CLIC6: variants seen among roughly 807,000 people sequenced by gnomAD.
CLIC6 encodes CLIC family member 6, also known as chloride intracellular channel protein 6.
A neutral mutation model predicts 49.2 loss-of-function variants in CLIC6; 39 were observed. That is an observed-to-expected ratio of 0.79 (90% confidence interval 0.61 to 1.04). CLIC6 has a LOEUF of 1.04. CLIC6 is among the 50% of genes least tolerant of loss of function. CLIC6 has a pLI of 0.00. For synonymous variants in CLIC6, 446 were observed against 433.4 expected (o/e 1.03, Z -0.36); for missense variants, 988 against 993.1 (o/e 0.99, Z 0.07).
intron 1 of CLIC6, among the ~76,000 whole-genome samples, chr21:34,678,430 T>TAA (rs772123813): frequency 7.2e-6 from 1 of 139,196 alleles, no homozygotes; most frequent in Non-Finnish European, 1.6e-5. Flanking sequence ...AGACTCCATC[T>TAA]AAAAAAAAAA....
Position 34,670,668 on chromosome 21 carries a change from G to A in CLIC6, c.1280G>A (p.Gly427Asp), listed in dbSNP as rs1267419018. Reference sequence around the variant, plus strand: ...GAGGAGGGCCCCGCCGAGGGTAGCGGCGAGGCCGCGCGCGTGAACGGCCGC... The same window carrying A: ...GAGGAGGGCCCCGCCGAGGGTAGCGACGAGGCCGCGCGCGTGAACGGCCGC... ...LAEEGPAEGS[G>D]EAARVNGRRE... Residue 427 changes from glycine to aspartate, a missense_variant, in exon 1 of 6, where the codon GGC becomes GAC. Gly to Asp is a moderately conservative substitution (Grantham distance 94). Transcript: ENST00000349499. The A allele has an allele frequency of 6.4e-7, 1 of 1,571,166 alleles. No individual in the cohort carries two copies. The highest frequency in any genetic ancestry group is 1.8e-5 in the Admixed American group (1 of 55,116).
chr21:34,697,898 G>A (rs1046783699), intron 1 of CLIC6, among the ~76,000 whole-genome samples: 1 of 152,212 alleles, frequency 6.6e-6, no homozygotes, highest in Non-Finnish European at 1.5e-5. Flanking sequence ...GAATCTCATA[G>A]GCCTGTGAGG....
chr21:34,671,352 G>C (rs891016156), intron 1 of CLIC6, among the ~76,000 whole-genome samples: 20 of 152,232 alleles, frequency 1.3e-4, no homozygotes, highest in South Asian at 1.0e-3. Context: ...GTACGTTTAG[G>C]GGGGAATGGA....
chr21:34,710,734 AC>A (rs1462772958), intron 5 of CLIC6, among the ~76,000 whole-genome samples: 6 of 151,866 alleles, frequency 4.0e-5, no homozygotes, highest in Non-Finnish European at 7.4e-5. Context: ...AATCGCTTGA[AC>A]CCGGGAGGCA....
chr21:34,669,448 C>CT lies in CLIC6; in HGVS notation c.60_61insT (p.Pro21SerfsTer6). 1 of 1,233,730 alleles carries CT rather than the reference C, an allele frequency of 8.1e-7. No individual in the cohort carries two copies. Among genetic ancestry groups the CT allele is most frequent in the Non-Finnish European group, 1.0e-6 (1 of 989,308 alleles). The allele number at this position is 1,233,730 out of a possible 1,614,324, so 76.4% of individuals were successfully genotyped here. On this transcript the variant is annotated frameshift_variant, in exon 1 of 6. Transcript: ENST00000349499. LOFTEE classifies it high-confidence loss of function. ...CGGGTCCCCAGGGGCCGCCGGAGGT[C>CT]CCCGCGCCTCTGGCTGAGAGACCCG...
At chr21:34,689,199 G>A (rs148522471) in intron 1 of CLIC6, among the ~76,000 whole-genome samples, 1 of 152,340 alleles carries the variant, frequency 6.6e-6, no homozygotes, top group African/African-American at 2.4e-5. Flanking sequence ...GGGAGAGGGT[G>A]GAGCAGAGAA....
intron 1 of CLIC6, among the ~76,000 whole-genome samples, chr21:34,678,926 A>T (rs992043234): frequency 6.6e-6 from 1 of 152,204 alleles, no homozygotes; most frequent in Admixed American, 6.5e-5. Context: ...TTTTCCAGAG[A>T]TATTCTATGC....
At chr21:34,711,603 T>C (rs2056057456) in intron 5 of CLIC6, among the ~76,000 whole-genome samples, 1 of 152,194 alleles carries the variant, frequency 6.6e-6, no homozygotes, top group African/African-American at 2.4e-5. Context: ...TCTATGGTGC[T>C]GAGGCTCCTG....
At chr21:34,693,814 C>T (rs1990040651) in intron 1 of CLIC6, among the ~76,000 whole-genome samples, 1 of 152,150 alleles carries the variant, frequency 6.6e-6, no homozygotes, top group Admixed American at 6.5e-5. Flanking sequence ...GGGTTTGGAT[C>T]TGTGTCCCTG....
chr21:34,714,583 G>C (rs1161870579), intron 5 of CLIC6, among the ~76,000 whole-genome samples: 1 of 152,026 alleles, frequency 6.6e-6, no homozygotes, highest in Non-Finnish European at 1.5e-5. Flanking sequence ...AGCTACTCGG[G>C]AGGCTGAGGG....
chr21:34,672,662 G>A (rs1181900790), intron 1 of CLIC6, among the ~76,000 whole-genome samples: 1 of 152,226 alleles, frequency 6.6e-6, no homozygotes, highest in Admixed American at 6.5e-5. Context: ...ATGTGGTGAA[G>A]GCTTGAATGG....
chr21:34,698,997 A>T (rs1236026762), intron 1 of CLIC6, among the ~76,000 whole-genome samples: 1 of 152,128 alleles, frequency 6.6e-6, no homozygotes, highest in African/African-American at 2.4e-5. Flanking sequence ...CACCAGGAAA[A>T]ACAGTGGGGC....
At chr21:34,695,201 T>C (rs140055103) in intron 1 of CLIC6, among the ~76,000 whole-genome samples, 2 of 152,232 alleles carry the variant, frequency 1.3e-5, no homozygotes, top group Non-Finnish European at 2.9e-5. Flanking sequence ...AGAGGCTGCT[T>C]GCATGTCTTG....
At chr21:34,688,493 A>C (rs1422510985) in intron 1 of CLIC6, among the ~76,000 whole-genome samples, 1 of 152,258 alleles carries the variant, frequency 6.6e-6, no homozygotes, top group African/African-American at 2.4e-5. Context: ...TAGTCTGCAT[A>C]GACGCCCTGT....
intron 1 of CLIC6, among the ~76,000 whole-genome samples, chr21:34,706,884 T>G (rs1309062057): frequency 6.6e-6 from 1 of 152,200 alleles, no homozygotes; most frequent in South Asian, 2.1e-4. Context: ...GAATAGTTGA[T>G]CCTTGGAGAG....
rs1165831517 is a variant in CLIC6 at position 34,716,681 on chromosome 21, T to C, written c.*199T>C. 10 of 430,800 alleles carry C rather than the reference T, an allele frequency of 2.3e-5. No individual in the cohort carries two copies. Among genetic ancestry groups the C allele is most frequent in the Non-Finnish European group, 3.3e-5 (8 of 244,410 alleles). 26.7% of individuals were successfully genotyped at this position (430,800 alleles called of 1,614,324 possible). A position where few individuals can be genotyped will look rare whatever the true frequency, so the allele number is the denominator to read the frequency against. On this transcript the variant is annotated 3_prime_UTR_variant, in exon 6 of 6. Coordinates refer to ENST00000349499, the MANE Select transcript of CLIC6 (RefSeq NM_053277.3). ...TTTCTTCAAAATGAAAATACTGCTT[T>C]GTAATTACAAAATGAGACACACCTA...
chr21:34,690,321 A>G (rs550540550), intron 1 of CLIC6, among the ~76,000 whole-genome samples: 29 of 152,280 alleles, frequency 1.9e-4, no homozygotes, highest in Admixed American at 1.7e-3. Context: ...AGACAAGCAC[A>G]TATCTTTCCC....
At chr21:34,686,357 C>T (rs547662598) in intron 1 of CLIC6, among the ~76,000 whole-genome samples, 4 of 152,272 alleles carry the variant, frequency 2.6e-5, no homozygotes, top group African/African-American at 4.8e-5. Flanking sequence ...GCTGAGATCA[C>T]GCCACTGCGC....
intron 1 of CLIC6, among the ~76,000 whole-genome samples, chr21:34,686,040 A>C (rs1989870929): frequency 6.6e-6 from 1 of 152,254 alleles, no homozygotes; most frequent in Non-Finnish European, 1.5e-5. Context: ...AACCTCAGGC[A>C]TAAATGGGTT....
Sources: allele counts gnomAD v4.1 joint callset (sites outside exome capture counted in the v4.1 genomes callset), GRCh38; gene constraint gnomAD v4.1.1; transcripts MANE v1.5; gene names NCBI Gene and HGNC (gene_info 2026-07-23, HGNC 2026-07-21).